The following ZNF385D variants were observed in gnomAD, a reference collection of about 807,000 sequenced individuals.
ZNF385D encodes the protein zinc finger protein 659.
Under a neutral mutation model 35.8 loss-of-function variants are expected in ZNF385D, and 15 were observed. That is an observed-to-expected ratio of 0.42 (90% confidence interval 0.28 to 0.64). The LOEUF (loss-of-function observed/expected upper bound fraction) is 0.64, where lower values mean the gene tolerates loss of function less well. Ranked by LOEUF, ZNF385D falls within the 30% of genes least tolerant of loss-of-function variation. ZNF385D has a pLI of 0.23. For missense variants in ZNF385D, 474 were observed against 494.6 expected, an observed-to-expected ratio of 0.96 and a Z score of 0.39; for synonymous variants, 212 against 186.8, an observed-to-expected ratio of 1.13 and a Z score of -1.10.
At chr3:22,299,207 G>C (rs1702764875) in intron 2 of ZNF385D, among the ~76,000 whole-genome samples, 3 of 151,836 alleles carry the variant, frequency 2.0e-5, no homozygotes, top group African/African-American at 7.2e-5. Flanking sequence ...CTATGGAAAT[G>C]ACTATCAGTT....
chr3:21,670,755 G>A (rs890642390), intron 1 of ZNF385D, among the ~76,000 whole-genome samples: 1 of 142,644 alleles, frequency 7.0e-6, no homozygotes, highest in Non-Finnish European at 1.5e-5. Context: ...AGGGATGGGA[G>A]ATCAGACACG....
chr3:21,522,207 G>T (rs1350987121), intron 3 of ZNF385D, among the ~76,000 whole-genome samples: 1 of 152,166 alleles, frequency 6.6e-6, no homozygotes, highest in African/African-American at 2.4e-5. Context: ...GGGCACCCCT[G>T]TGACCAAACA....
chr3:22,156,157 T>TA, intron 3 of ZNF385D, among the ~76,000 whole-genome samples: 1 of 152,158 alleles, frequency 6.6e-6, no homozygotes, highest in East Asian at 1.9e-4. Context: ...CTTATCAGGT[T>TA]AAAAATATAA....
At chr3:22,345,291 C>G (rs373389102) in intron 2 of ZNF385D, among the ~76,000 whole-genome samples, 2 of 152,262 alleles carry the variant, frequency 1.3e-5, no homozygotes, top group South Asian at 4.1e-4. Context: ...GTTTCCAACT[C>G]TTCAGTCTAT....
chr3:22,308,266 G>T (rs187418235), intron 2 of ZNF385D, among the ~76,000 whole-genome samples: 1 of 151,846 alleles, frequency 6.6e-6, no homozygotes. Context: ...TCATCTGAGC[G>T]GAATTTTATA....
rs549930710 is a variant in ZNF385D, at chr3:22,351,999, T to C, written c.106+20451A>G. Among the ~76,000 whole-genome samples the C allele has an allele frequency of 4.2e-4, 64 of 152,296 alleles. No individual in the cohort carries two copies. The South Asian group carries it at 5.6e-3, about 13-fold the overall frequency. Reference sequence around the variant, plus strand: ...GTATCATTACCTCATACCGTTCATGTAGCCAACATAAAAGGGATATGTTAA... The same window carrying C: ...GTATCATTACCTCATACCGTTCATGCAGCCAACATAAAAGGGATATGTTAA... On this transcript the variant is annotated intron_variant, in intron 2 of 5. Coordinates refer to the ZNF385D transcript ENST00000494108.
At chr3:22,302,565 C>A (rs1239533610) in intron 2 of ZNF385D, among the ~76,000 whole-genome samples, 1 of 151,838 alleles carries the variant, frequency 6.6e-6, no homozygotes, top group African/African-American at 2.4e-5. Flanking sequence ...TTTGCAAACT[C>A]TTTTGGCTAT....
chr3:22,045,411 G>GA (rs1424560294), intron 3 of ZNF385D, among the ~76,000 whole-genome samples: 1 of 152,130 alleles, frequency 6.6e-6, no homozygotes, highest in African/African-American at 2.4e-5. Context: ...ATGATATCCA[G>GA]AACTGAAGAA....
chr3:22,301,470 T>A (rs546671192), intron 2 of ZNF385D, among the ~76,000 whole-genome samples: 88 of 152,052 alleles, frequency 5.8e-4, no homozygotes, highest in Non-Finnish European at 1.1e-3. Context: ...GTAATGCATA[T>A]TTGATCAGAT....
chr3:22,103,882 C>A (rs139695450), intron 3 of ZNF385D, among the ~76,000 whole-genome samples: 10 of 151,962 alleles, frequency 6.6e-5, no homozygotes, highest in Non-Finnish European at 1.5e-4. Flanking sequence ...TAATATCCAT[C>A]CTATTAACAT....
chr3:22,318,242 A>T (rs1011819784), intron 2 of ZNF385D, among the ~76,000 whole-genome samples: 1 of 152,154 alleles, frequency 6.6e-6, no homozygotes, highest in African/African-American at 2.4e-5. Context: ...TTGAATTTTG[A>T]GTGTCCAAGT....
chr3:21,966,178 T>C (rs1411619896), intron 3 of ZNF385D, among the ~76,000 whole-genome samples: 1 of 152,176 alleles, frequency 6.6e-6, no homozygotes, highest in African/African-American at 2.4e-5. Context: ...ATGGATTTGA[T>C]GAAACCAATA....
At chr3:22,130,578 C>T (rs1311234591) in intron 3 of ZNF385D, among the ~76,000 whole-genome samples, 2 of 152,140 alleles carry the variant, frequency 1.3e-5, no homozygotes, top group Non-Finnish European at 2.9e-5. Flanking sequence ...CAGGGCAGCA[C>T]TGAGTTCCAA....
At chr3:22,217,150 A>G (rs1356221589) in intron 2 of ZNF385D, among the ~76,000 whole-genome samples, 1 of 152,130 alleles carries the variant, frequency 6.6e-6, no homozygotes, top group Non-Finnish European at 1.5e-5. Context: ...TTAGAGTACT[A>G]TTCTAATATT....
intron 3 of ZNF385D, among the ~76,000 whole-genome samples, chr3:21,876,930 C>T (rs527644752): frequency 6.6e-6 from 1 of 152,170 alleles, no homozygotes; most frequent in East Asian, 1.9e-4. Context: ...GCCCATTAAG[C>T]AGAGAAGCAC....
At chr3:22,108,895 C>T (rs1262475386) in intron 3 of ZNF385D, among the ~76,000 whole-genome samples, 1 of 151,900 alleles carries the variant, frequency 6.6e-6, no homozygotes, top group Non-Finnish European at 1.5e-5. Flanking sequence ...GCTTGTAGTC[C>T]CTGCTACTTG....
intron 3 of ZNF385D, among the ~76,000 whole-genome samples, chr3:21,905,896 G>T (rs1437040063): frequency 6.6e-6 from 1 of 152,058 alleles, no homozygotes. Flanking sequence ...AATGAAAACT[G>T]TTAATTGTTG....
At chr3:21,688,226 T>C (rs2125334757) in intron 1 of ZNF385D, among the ~76,000 whole-genome samples, 1 of 152,300 alleles carries the variant, frequency 6.6e-6, no homozygotes, top group Middle Eastern at 3.4e-3. Context: ...GCCTTTGTTC[T>C]GTTGGAATAA....
At chr3:21,680,870 A>G (rs779861809) in intron 1 of ZNF385D, among the ~76,000 whole-genome samples, 1 of 152,170 alleles carries the variant, frequency 6.6e-6, no homozygotes, top group Non-Finnish European at 1.5e-5. Flanking sequence ...ACAGTTCAGC[A>G]TAGAAATATC....
Sources: allele counts gnomAD v4.1 joint callset (sites outside exome capture counted in the v4.1 genomes callset), GRCh38; gene constraint gnomAD v4.1.1; transcripts MANE v1.5; gene names NCBI Gene and HGNC (gene_info 2026-07-23, HGNC 2026-07-21).